Variants in BMPER observed in about 807,000 individuals in gnomAD.
BMPER encodes the protein BMP-binding endothelial regulator protein.
In BMPER, 45 loss-of-function variants were observed where a neutral mutation model predicts 87.3. The ratio of observed to expected loss-of-function variants is 0.52; its 90% CI spans 0.41 to 0.66. BMPER has a LOEUF of 0.66. Among genes scored for constraint, BMPER ranks in the 30% least tolerant of loss-of-function variants. BMPER has a pLI of 0.00. For synonymous variants in BMPER, 326 were observed against 316.2 expected (o/e 1.03, Z -0.33); for missense variants, 784 against 867.5 (o/e 0.90, Z 1.21).
chr7:33,905,507 G>T, upstream of BMPER: 1 of 1,355,210 alleles, frequency 7.4e-7, no homozygotes, highest in Non-Finnish European at 9.7e-7. Flanking sequence ...TTCGCGGACG[G>T]TCTCCCGACA....
chr7:34,109,425 C>A (rs566720016), intron 13 of BMPER, among the ~76,000 whole-genome samples: 100 of 152,270 alleles, frequency 6.6e-4, no homozygotes, highest in African/African-American at 2.3e-3. Context: ...CAGATAAACA[C>A]CCAGAATAAT....
intron 3 of BMPER, among the ~76,000 whole-genome samples, chr7:33,956,670 G>A (rs975913399): frequency 2.0e-5 from 3 of 152,038 alleles, no homozygotes; most frequent in African/African-American, 4.8e-5. Context: ...GGATGAAGAC[G>A]TGTGTGATTA....
intron 13 of BMPER, among the ~76,000 whole-genome samples, chr7:34,103,892 A>G (rs1347476138): frequency 6.6e-6 from 1 of 152,172 alleles, no homozygotes; most frequent in African/African-American, 2.4e-5. Context: ...AGCCCAGTGT[A>G]TCCTCTCCAT....
intron 2 of BMPER, among the ~76,000 whole-genome samples, chr7:33,913,819 C>T (rs1784022217): frequency 6.6e-6 from 1 of 152,172 alleles, no homozygotes; most frequent in Admixed American, 6.5e-5. Flanking sequence ...AGAGCTCACT[C>T]TTGAAATTAT....
At chr7:34,121,027 ATTAT>A (rs1790252671) in intron 13 of BMPER, among the ~76,000 whole-genome samples, 1 of 150,770 alleles carries the variant, frequency 6.6e-6, no homozygotes, top group South Asian at 2.1e-4. Flanking sequence ...TATTTAATAT[ATTAT>A]TTAATTACAT....
chr7:34,097,126 G>A (rs1296688416), intron 13 of BMPER, among the ~76,000 whole-genome samples: 1 of 152,234 alleles, frequency 6.6e-6, no homozygotes, highest in South Asian at 2.1e-4. Context: ...TGGCTTCCTG[G>A]AGGAGGTGAC....
intron 3 of BMPER, among the ~76,000 whole-genome samples, chr7:33,950,364 A>G (rs1784990324): frequency 6.6e-6 from 1 of 152,172 alleles, no homozygotes; most frequent in African/African-American, 2.4e-5. Flanking sequence ...CTAGTTTTCT[A>G]TTGATAGACA....
chr7:34,044,497 G>A (rs1244959958), intron 6 of BMPER, among the ~76,000 whole-genome samples: 3 of 152,124 alleles, frequency 2.0e-5, no homozygotes, highest in Admixed American at 6.6e-5. Flanking sequence ...AAAGCTAAGG[G>A]CAGCATCTTG....
Position 34,153,551 on chromosome 7 carries a change from T to C in BMPER, c.*278T>C, listed in dbSNP as rs116981158. 791 of 367,100 alleles carry C rather than the reference T, an allele frequency of 2.2e-3. 17 individuals carry two copies. The East Asian group carries it at 0.037, about 17-fold the overall frequency. The allele number at this position is 367,100 out of a possible 1,614,324, so 22.7% of individuals were successfully genotyped here. ...ATGTTGTATAAATACACCAGGTGTT[T>C]TTAATTTAATAAGGTGGCATGCAGA... On this transcript the variant is annotated 3_prime_UTR_variant, in exon 15 of 15. Transcript: ENST00000649409.
At chr7:34,081,089 C>G (rs1789035411) in intron 12 of BMPER, among the ~76,000 whole-genome samples, 1 of 152,156 alleles carries the variant, frequency 6.6e-6, no homozygotes, top group African/African-American at 2.4e-5. Flanking sequence ...ACGAATCACA[C>G]AAGCCCTCTG....
At chr7:34,073,070 A>C (rs1353005531) in intron 11 of BMPER, among the ~76,000 whole-genome samples, 1 of 152,196 alleles carries the variant, frequency 6.6e-6, no homozygotes, top group Non-Finnish European at 1.5e-5. Context: ...GAACTATTTT[A>C]GTAAGTTCAG....
intron 2 of BMPER, among the ~76,000 whole-genome samples, chr7:33,925,115 T>C (rs1466439242): frequency 1.3e-5 from 2 of 152,230 alleles, no homozygotes; most frequent in Admixed American, 6.5e-5. Context: ...ACGTCAGCCC[T>C]GTGAGGACAT....
At chr7:33,986,553 T>C (rs1471649001) in intron 6 of BMPER, among the ~76,000 whole-genome samples, 1 of 152,164 alleles carries the variant, frequency 6.6e-6, no homozygotes, top group Admixed American at 6.5e-5. Context: ...ATGGTTTTAA[T>C]GAGCATGGTT....
At chr7:33,994,323 T>C (rs1268142114) in intron 6 of BMPER, among the ~76,000 whole-genome samples, 2 of 152,224 alleles carry the variant, frequency 1.3e-5, no homozygotes, top group African/African-American at 2.4e-5. Context: ...AATCTCGTGA[T>C]GCGCTGTTTT....
chr7:33,906,880 C>A lies in BMPER; in HGVS notation c.196C>A (p.Pro66Thr). 1 of 1,613,606 alleles carries A rather than the reference C, an allele frequency of 6.2e-7. No individual in the cohort carries two copies. The highest frequency in any genetic ancestry group is 8.5e-7 in the Non-Finnish European group (1 of 1,179,710). Reference protein sequence around the residue: ...VLQIPFITDNPCIMCVCLNKE... With the variant: ...VLQIPFITDNTCIMCVCLNKE... ...CCAGATTCCATTTATCACAGACAAC[C>A]CTTGCATAATGTGTGTCTGCTTGGT... is the stretch of plus-strand genomic sequence containing the variant. The change falls in exon 2 of 15, where the codon CCT becomes ACT. Residue 66 changes from proline (P) to threonine (T), a missense_variant. Physicochemically the swap from Pro to Thr is conservative, Grantham distance 38. Coordinates refer to ENST00000649409, the MANE Select transcript of BMPER (RefSeq NM_001365308.1).
intron 12 of BMPER, 120 bp downstream of exon 12, chr7:34,079,306 G>C: frequency 7.5e-7 from 1 of 1,341,464 alleles, no homozygotes; most frequent in Non-Finnish European, 1.0e-6. Flanking sequence ...ACCCAAGGCA[G>C]AGCCAGGTTC....
chr7:33,951,226 T>G (rs1014394146), intron 3 of BMPER, among the ~76,000 whole-genome samples: 3 of 152,050 alleles, frequency 2.0e-5, no homozygotes, highest in Non-Finnish European at 4.4e-5. Flanking sequence ...TTTTGTATTT[T>G]TAGTAGAGAT....
chr7:34,112,370 C>T (rs902635053), intron 13 of BMPER, among the ~76,000 whole-genome samples: 7 of 151,824 alleles, frequency 4.6e-5, no homozygotes, highest in Non-Finnish European at 1.0e-4. Context: ...GTGGTGGGCG[C>T]CTGTAGTCCC....
intron 14 of BMPER, among the ~76,000 whole-genome samples, chr7:34,146,753 C>T (rs34431120): frequency 0.16 from 24,562 of 152,036 alleles, 2,241 homozygotes; most frequent in Non-Finnish European, 0.2. Context: ...ATCATTGCCC[C>T]GTCCTTAATC....
Sources: gnomAD v4.1 joint callset for allele counts (sites outside exome capture counted in the v4.1 genomes callset) on GRCh38, gnomAD v4.1.1 for gene constraint, MANE v1.5 for transcripts, NCBI Gene and HGNC (gene_info 2026-07-23, HGNC 2026-07-21) for gene names.